NFX1: variants seen among roughly 807,000 people sequenced by gnomAD.
The protein encoded by NFX1 is nuclear transcription factor, X-box binding 1.
A neutral mutation model predicts 137.2 loss-of-function variants in NFX1; 69 were observed. The observed-to-expected ratio is 0.50, with a 90% CI of 0.41 to 0.61. NFX1 has a LOEUF of 0.61. Ranked by LOEUF, NFX1 falls within the 20% of genes least tolerant of loss-of-function variation. The pLI is 0.00. For synonymous variants in NFX1, 495 were observed against 474.1 expected (o/e 1.04, Z -0.57); for missense variants, 1,167 against 1,391.0 (o/e 0.84, Z 2.56).
intron 9 of NFX1, 146 bp downstream of exon 9, chr9:33,319,273 T>A: frequency 1.4e-6 from 1 of 703,010 alleles, no homozygotes. Context: ...GTACGTTTTC[T>A]TTCCTCCTCA....
At chr9:33,326,761 T>C (rs1252667902) in intron 9 of NFX1, among the ~76,000 whole-genome samples, 2 of 152,194 alleles carry the variant, frequency 1.3e-5, no homozygotes, top group African/African-American at 2.4e-5. Context: ...TTGTTATCTT[T>C]TTCAGCTTCT....
chr9:33,346,911 G>A (rs935121388), intron 14 of NFX1, 127 bp from the exon 15 acceptor site: 18 of 581,054 alleles, frequency 3.1e-5, no homozygotes, highest in Admixed American at 6.8e-5. Flanking sequence ...TCCTGTGACC[G>A]TTTTTCAAAA....
rs191197032 is a variant in NFX1 at position 33,366,257 on chromosome 9, T to A, written c.3040-372T>A. 2.6e-5 allele frequency among the ~76,000 whole-genome samples: 4 copies of A among 152,314 alleles called. No individual in the cohort carries two copies. The East Asian group carries it at 7.7e-4, about 29-fold the overall frequency. ...CACGATTTTTAAAGTAGAACATACT[T>A]TTAAAGGAAATAATATTTTCTTGTT... is the stretch of plus-strand genomic sequence containing the variant. On this transcript the variant is annotated intron_variant, in intron 21 of 23. Coordinates refer to ENST00000379540, the MANE Select transcript of NFX1 (RefSeq NM_002504.6).
At chr9:33,347,762 A>G (rs1247404103) in intron 15 of NFX1, 1 of 347,346 alleles carries the variant, frequency 2.9e-6, no homozygotes, top group Non-Finnish European at 5.8e-6. Flanking sequence ...ACAATTGCAA[A>G]AATGTGGAAC....
Position 33,370,840 on chromosome 9 carries a change from C to G in NFX1, c.*862C>G, listed in dbSNP as rs1824304763. Reference sequence around the variant, plus strand: ...TGGACAACTGTCCTGTGTTGCTTTCCCTAGGCCTTCAGCAGCCTATTGGCT... The same window carrying G: ...TGGACAACTGTCCTGTGTTGCTTTCGCTAGGCCTTCAGCAGCCTATTGGCT... On this transcript the variant is annotated 3_prime_UTR_variant, in exon 24 of 24. Transcript: ENST00000379540. The G allele has an allele frequency of 6.6e-6, 1 of 152,426 alleles. No individual in the cohort carries two copies. The highest frequency in any genetic ancestry group is 2.1e-4 in the South Asian group (1 of 4,830). The allele number at this position is 152,426 out of a possible 1,614,324, so 9.4% of individuals were successfully genotyped here. A position where few individuals can be genotyped will look rare whatever the true frequency, so the allele number is the denominator to read the frequency against.
intron 19 of NFX1, among the ~76,000 whole-genome samples, chr9:33,358,200 C>G (rs540641749): frequency 6.6e-6 from 1 of 151,594 alleles, no homozygotes; most frequent in South Asian, 2.1e-4. Context: ...TCTCGGCTCA[C>G]TGCAAGCTCC....
chr9:33,294,907 A>G lies in NFX1; in HGVS notation c.513A>G (p.Ala171=). 1.9e-6 allele frequency: 3 copies of G among 1,614,180 alleles called. No individual in the cohort carries two copies. The highest frequency in any genetic ancestry group is 2.5e-6 in the Non-Finnish European group (3 of 1,180,030). Residue 171 remains alanine, a synonymous_variant, in exon 2 of 24, where the codon GCA becomes GCG. Transcript: ENST00000379540. ...CCAGGGGAGCAAAACCCAAAAAAGC[A>G]ACACAGTTTGTATACAGCTATGGTA... The part of the protein sequence containing the change: ...ADPRGAKPKK[A]TQFVYSYGRG...
In NFX1 at chr9:33,319,216, A is replaced by G. The variant is rs956760942; in HGVS notation, c.1906+89A>G. On this transcript the variant is annotated intron_variant, in intron 9 of 23. Transcript: ENST00000379540. ...TTTAAGCAATGTAGAAGTAAGTGCT[A>G]GTTACAATATCAGAGGTTTCTAAAT... 3 of 1,063,356 alleles carry G rather than the reference A, an allele frequency of 2.8e-6. No individual in the cohort carries two copies. The African/African-American group carries it at 4.7e-5, about 17-fold the overall frequency. 65.9% of individuals were successfully genotyped at this position (1,063,356 alleles called of 1,614,324 possible).
In NFX1 at chr9:33,318,995, C is replaced by T. The variant is rs768595821; in HGVS notation, c.1774C>T (p.Arg592Cys). The T allele has an allele frequency of 1.7e-5, 27 of 1,614,092 alleles. No individual in the cohort carries two copies. The highest frequency in any genetic ancestry group is 1.9e-5 in the Non-Finnish European group (22 of 1,180,038). Residue 592 changes from arginine to cysteine, a missense_variant, in exon 9 of 24, where the codon CGC becomes TGC. Transcript: ENST00000379540. The part of the protein sequence containing the change: ...QQCPRLPQLV[R>C]CCPCGQTPLS... ...ATGCCCACGGCTCCCCCAGCTGGTG[C>T]GCTGTTGCCCCTGTGGCCAAACTCC...
chr9:33,319,242 A>G (rs555341204), intron 9 of NFX1, 115 bp downstream of exon 9: 2 of 841,154 alleles, frequency 2.4e-6, no homozygotes, highest in Admixed American at 5.2e-5. Flanking sequence ...GTTTCTAAAT[A>G]TTATGATCAT....
rs1822274731 is a variant in NFX1 at position 33,318,823 on chromosome 9, T to C, written c.1681T>C (p.Cys561Arg). Residue 561 changes from cysteine to arginine, a missense_variant, in exon 8 of 24, where the codon TGT becomes CGT. Cys to Arg is a radical substitution (Grantham distance 180). This residue lies in a region of NFX1 where 488 missense variants were observed against 691.5 expected (regional missense o/e 0.71). Coordinates refer to ENST00000379540, the MANE Select transcript of NFX1 (RefSeq NM_002504.6). ...GFGDFSCLKI[C>R]GKDLKCGNHT... ...TGGGGATTTCAGCTGTTTAAAGATA[T>C]GTGGCAAGTAAGGTTTTACGTTTTC... The C allele has an allele frequency of 1.2e-6, 2 of 1,614,094 alleles. No homozygotes were observed. Among genetic ancestry groups the C allele is most frequent in the African/African-American group, 1.3e-5 (1 of 74,932 alleles).
chr9:33,362,461 A>G (rs1213273339), intron 19 of NFX1, among the ~76,000 whole-genome samples: 3 of 152,210 alleles, frequency 2.0e-5, no homozygotes, highest in South Asian at 4.1e-4. Flanking sequence ...GTCATTTGCA[A>G]CAACATGGAT....
chr9:33,338,431 A>G (rs896445376), intron 11 of NFX1, 79 bp from the exon 12 acceptor site: 38 of 1,165,232 alleles, frequency 3.3e-5, no homozygotes, highest in Non-Finnish European at 4.8e-5. Flanking sequence ...CTTTGAGCCT[A>G]TAGTTACTCA....
At chr9:33,304,773 C>T (rs767788724) in intron 4 of NFX1, among the ~76,000 whole-genome samples, 17 of 152,156 alleles carry the variant, frequency 1.1e-4, no homozygotes, top group Non-Finnish European at 2.1e-4. Context: ...AATAAATATT[C>T]TTGAATATAC....
chr9:33,305,857 A>G (rs1026550410), intron 4 of NFX1, among the ~76,000 whole-genome samples: 1 of 152,230 alleles, frequency 6.6e-6, no homozygotes, highest in Admixed American at 6.5e-5. Context: ...ACAGGCAGGT[A>G]GCAATATTTG....
chr9:33,359,686 A>G (rs1225088688), intron 19 of NFX1, among the ~76,000 whole-genome samples: 1 of 152,190 alleles, frequency 6.6e-6, no homozygotes, highest in Non-Finnish European at 1.5e-5. Flanking sequence ...TGATGTCTGC[A>G]GTAAGTTATT....
At chr9:33,319,202 T>TAGAAGTA (rs1031038888) in intron 9 of NFX1, 75 bp downstream of exon 9, 1 of 1,221,574 alleles carries the variant, frequency 8.2e-7, no homozygotes, top group African/African-American at 1.5e-5. Context: ...TTAAGCAATG[T>TAGAAGTA]AGAAGTAAGT....
chr9:33,360,259 T>C (rs1823946498), intron 19 of NFX1, among the ~76,000 whole-genome samples: 1 of 152,226 alleles, frequency 6.6e-6, no homozygotes, highest in Non-Finnish European at 1.5e-5. Context: ...GAATCCTGGC[T>C]TCACAAATCA....
chr9:33,326,712 C>T (rs149450417), intron 9 of NFX1, among the ~76,000 whole-genome samples: 3 of 152,128 alleles, frequency 2.0e-5, no homozygotes, highest in South Asian at 4.2e-4. Context: ...AGAGTGGGAC[C>T]CTGTCTCCAA....
Sources: allele counts gnomAD v4.1 joint callset (sites outside exome capture counted in the v4.1 genomes callset), GRCh38; gene constraint gnomAD v4.1.1; regional missense constraint gnomAD v4.1.1; transcripts MANE v1.5; gene names NCBI Gene and HGNC (gene_info 2026-07-23, HGNC 2026-07-21).